TAFA2: variants seen among roughly 807,000 people sequenced by gnomAD.
TAFA2 encodes TAFA chemokine like family member 2.
TAFA2 carries 7 observed loss-of-function variants against 18.8 expected under a neutral mutation model. The ratio of observed to expected loss-of-function variants is 0.37; its 90% CI spans 0.21 to 0.70. The LOEUF (loss-of-function observed/expected upper bound fraction) is 0.70. Ranked by LOEUF, TAFA2 falls within the 30% of genes least tolerant of loss-of-function variation. The pLI is 0.53. For synonymous variants in TAFA2, 60 were observed against 54.2 expected, an observed-to-expected ratio of 1.11 and a Z score of -0.47; for missense variants, 122 against 158.1, an observed-to-expected ratio of 0.77 and a Z score of 1.23.
At chr12:61,753,900 C>A (rs1043761124) in intron 3 of TAFA2, among the ~76,000 whole-genome samples, 154 bp from the exon 4 acceptor site, 2 of 151,934 alleles carry the variant, frequency 1.3e-5, no homozygotes, top group African/African-American at 2.4e-5. Context: ...AAGGACAAAA[C>A]CTTTCAAGAT....
intron 1 of TAFA2, among the ~76,000 whole-genome samples, chr12:62,118,877 T>A (rs1870075782): frequency 6.6e-6 from 1 of 152,172 alleles, no homozygotes; most frequent in Admixed American, 6.5e-5. Flanking sequence ...GATTGTCAAC[T>A]AGTTTGTGAC....
intron 2 of TAFA2, among the ~76,000 whole-genome samples, chr12:61,862,814 T>C (rs1228278930): frequency 1.3e-5 from 2 of 152,194 alleles, no homozygotes; most frequent in Non-Finnish European, 2.9e-5. Flanking sequence ...CAAAGGGCTA[T>C]TTAAAAATTA....
At chr12:62,016,144 C>T (rs1170498333) in intron 1 of TAFA2, among the ~76,000 whole-genome samples, 1 of 152,200 alleles carries the variant, frequency 6.6e-6, no homozygotes, top group African/African-American at 2.4e-5. Context: ...TTACCATGCA[C>T]ATGTACAGAA....
At chr12:62,136,359 T>A (rs932979590) in intron 1 of TAFA2, among the ~76,000 whole-genome samples, 3 of 152,124 alleles carry the variant, frequency 2.0e-5, no homozygotes, top group Admixed American at 2.0e-4. Context: ...ATGTGGCAGT[T>A]TTTGTCTTCT....
chr12:62,164,299 T>C (rs1192037851), intron 1 of TAFA2, among the ~76,000 whole-genome samples: 1 of 152,180 alleles, frequency 6.6e-6, no homozygotes. Context: ...ACATCTATCT[T>C]GTTCCTCGAG....
At chr12:61,810,954 T>A (rs547476438) in intron 2 of TAFA2, among the ~76,000 whole-genome samples, 2 of 151,236 alleles carry the variant, frequency 1.3e-5, no homozygotes, top group African/African-American at 4.9e-5. Context: ...GAATAAACTG[T>A]TTACATTGGG....
At chr12:61,891,504 T>C (rs1361075653) in intron 1 of TAFA2, among the ~76,000 whole-genome samples, 1 of 152,014 alleles carries the variant, frequency 6.6e-6, no homozygotes, top group Non-Finnish European at 1.5e-5. Flanking sequence ...AAAAATTAGC[T>C]GGGTGTGGTG....
chr12:61,742,079 G>C (rs906388643), intron 4 of TAFA2, among the ~76,000 whole-genome samples: 6 of 152,042 alleles, frequency 3.9e-5, no homozygotes, highest in Non-Finnish European at 8.8e-5. Flanking sequence ...ATTTTTAGTA[G>C]AGATTGGGTT....
chr12:61,852,825 A>G (rs912698380), intron 2 of TAFA2, among the ~76,000 whole-genome samples: 1 of 152,216 alleles, frequency 6.6e-6, no homozygotes, highest in Non-Finnish European at 1.5e-5. Flanking sequence ...GGCTTGTAGA[A>G]AGATATTGTT....
intron 1 of TAFA2, among the ~76,000 whole-genome samples, chr12:62,089,057 T>C (rs767962591): frequency 6.6e-6 from 1 of 152,136 alleles, no homozygotes; most frequent in Non-Finnish European, 1.5e-5. Context: ...TTTGCTTTCA[T>C]AATTCTGAAG....
intron 1 of TAFA2, among the ~76,000 whole-genome samples, chr12:62,220,010 T>C (rs1395726311): frequency 1.3e-5 from 2 of 152,178 alleles, no homozygotes; most frequent in Non-Finnish European, 2.9e-5. Flanking sequence ...TGGAGCATTT[T>C]TAAACAACTA....
chr12:61,764,887 T>G (rs1316438381), intron 2 of TAFA2, among the ~76,000 whole-genome samples: 1 of 152,076 alleles, frequency 6.6e-6, no homozygotes, highest in Non-Finnish European at 1.5e-5. Context: ...ATAAAGTCAA[T>G]CCGCACCCAC....
chr12:61,877,436 G>T (rs10732748), intron 1 of TAFA2, among the ~76,000 whole-genome samples: 109,168 of 151,960 alleles, frequency 0.72, 39,656 homozygotes, highest in African/African-American at 0.81. Context: ...ATGTGCAATC[G>T]TGAGAAATTT....
intron 2 of TAFA2, among the ~76,000 whole-genome samples, chr12:61,799,974 AT>A (rs953789449): frequency 6.6e-6 from 1 of 152,218 alleles, no homozygotes; most frequent in African/African-American, 2.4e-5. Context: ...TAATCCTCCC[AT>A]TTCTTTGAAT....
chr12:62,027,227 G>A (rs1018726380), intron 1 of TAFA2, among the ~76,000 whole-genome samples: 1 of 152,060 alleles, frequency 6.6e-6, no homozygotes, highest in Admixed American at 6.6e-5. Context: ...ATTTTGAAAT[G>A]CACTTGTGTG....
At chr12:62,149,929 G>C (rs1795213) in intron 1 of TAFA2, among the ~76,000 whole-genome samples, 144,672 of 152,126 alleles carry the variant, frequency 0.95, 69,217 homozygotes, top group South Asian at 1. Flanking sequence ...TATAAAGATC[G>C]ACGCAATTAC....
At chr12:61,952,915 CTT>C (rs1281087268) in intron 1 of TAFA2, among the ~76,000 whole-genome samples, 26 of 152,088 alleles carry the variant, frequency 1.7e-4, no homozygotes, top group Non-Finnish European at 3.4e-4. Context: ...CATTTCTCCT[CTT>C]TTATATTTTA....
At chr12:61,870,907 T>C (rs1874571609) in intron 1 of TAFA2, among the ~76,000 whole-genome samples, 1 of 152,136 alleles carries the variant, frequency 6.6e-6, no homozygotes, top group South Asian at 2.1e-4. Flanking sequence ...ATTATTCTCA[T>C]ATAAGATTCC....
intron 1 of TAFA2, among the ~76,000 whole-genome samples, chr12:62,084,811 T>TA (rs1868386986): frequency 6.6e-6 from 1 of 152,180 alleles, no homozygotes; most frequent in Non-Finnish European, 1.5e-5. Context: ...CTTCAGATTT[T>TA]GAATTTTGAT....
Sources: allele counts gnomAD v4.1 joint callset (sites outside exome capture counted in the v4.1 genomes callset), GRCh38; gene constraint gnomAD v4.1.1; transcripts MANE v1.5; gene names NCBI Gene and HGNC (gene_info 2026-07-23, HGNC 2026-07-21).